The following FAM81A variants were observed in gnomAD, a reference collection of about 807,000 sequenced individuals.
The protein encoded by FAM81A is protein FAM81A.
A neutral mutation model predicts 46.7 loss-of-function variants in FAM81A; 19 were observed. The observed-to-expected ratio is 0.41, with a 90% CI of 0.28 to 0.60. The LOEUF is 0.60. Among genes scored for constraint, FAM81A ranks in the 20% least tolerant of loss-of-function variants. FAM81A has a pLI of 0.34. For missense variants in FAM81A, 377 were observed against 453.5 expected (o/e 0.83, Z 1.53); for synonymous variants, 183 against 152.9 (o/e 1.20, Z -1.45).
chr15:59,453,543 G>C (rs8026087), intron 1 of FAM81A, among the ~76,000 whole-genome samples: 120,852 of 152,096 alleles, frequency 0.79, 48,442 homozygotes, highest in African/African-American at 0.9. Context: ...AGCCAGGATT[G>C]AAGCAAGAGC....
At chr15:59,510,790 A>G (rs1596543945) in intron 6 of FAM81A, among the ~76,000 whole-genome samples, 2 of 148,256 alleles carry the variant, frequency 1.3e-5, no homozygotes, top group Non-Finnish European at 3.0e-5. Context: ...AAAAAAAAAA[A>G]AAAAAAAAAA....
chr15:59,415,608 T>C (rs1285386414), intron 2 of FAM81A, among the ~76,000 whole-genome samples: 1 of 152,190 alleles, frequency 6.6e-6, no homozygotes, highest in East Asian at 1.9e-4. Flanking sequence ...AACTAAACTT[T>C]TTCTAGAGCC....
In FAM81A at chr15:59,461,512, C is replaced by T. The variant is rs143948962; in HGVS notation, c.294+1306C>T. On this transcript the variant is annotated intron_variant, in intron 3 of 8. Transcript: ENST00000288228. ...ACTATAGTATTTTTTGTAGAGACAT[C>T]GTCTCACTATGTTGCCCAGACAGGG... Among the ~76,000 whole-genome samples, 14 of 152,180 alleles carry T rather than the reference C, an allele frequency of 9.2e-5. No homozygotes were observed. In the East Asian group the frequency reaches 2.3e-3, roughly 25 times the overall value.
chr15:59,451,727 A>G (rs1209523672), intron 1 of FAM81A, among the ~76,000 whole-genome samples: 2 of 152,222 alleles, frequency 1.3e-5, no homozygotes, highest in Non-Finnish European at 2.9e-5. Context: ...TGCTGGGATT[A>G]TAGGCATGAG....
At chr15:59,512,915 G>C (rs1175373008) in intron 6 of FAM81A, among the ~76,000 whole-genome samples, 2 of 152,216 alleles carry the variant, frequency 1.3e-5, no homozygotes, top group Non-Finnish European at 2.9e-5. Context: ...CGCTGCAAGG[G>C]ATCCTGGGAA....
chr15:59,493,954 T>G (rs1276634681), intron 4 of FAM81A, among the ~76,000 whole-genome samples: 1 of 151,952 alleles, frequency 6.6e-6, no homozygotes, highest in Non-Finnish European at 1.5e-5. Flanking sequence ...CCTCTGGGAG[T>G]CTTCCCTGAC....
At chr15:59,448,357 A>G (rs1042589447) in intron 1 of FAM81A, among the ~76,000 whole-genome samples, 21 of 152,198 alleles carry the variant, frequency 1.4e-4, no homozygotes, top group Non-Finnish European at 1.0e-4. Flanking sequence ...AGCCTGGGCC[A>G]CTGAGTGAGA....
At chr15:59,453,351 A>G (rs796306716) in intron 1 of FAM81A, among the ~76,000 whole-genome samples, 10 of 152,350 alleles carry the variant, frequency 6.6e-5, no homozygotes, top group African/African-American at 2.4e-4. Flanking sequence ...TAATAAGAGT[A>G]TAATACTTTA....
At chr15:59,451,058 C>G (rs1187795973) in intron 1 of FAM81A, among the ~76,000 whole-genome samples, 1 of 152,214 alleles carries the variant, frequency 6.6e-6, no homozygotes, top group Non-Finnish European at 1.5e-5. Flanking sequence ...TCCACCACAG[C>G]AGGGACCATG....
At chr15:59,416,368 C>G (rs2081146740) in intron 2 of FAM81A, among the ~76,000 whole-genome samples, 1 of 152,238 alleles carries the variant, frequency 6.6e-6, no homozygotes, top group Non-Finnish European at 1.5e-5. Flanking sequence ...TTGTCCACTG[C>G]CTCCTCTCCC....
intron 2 of FAM81A, among the ~76,000 whole-genome samples, chr15:59,424,895 A>G (rs1181515812): frequency 2.0e-5 from 3 of 152,144 alleles, no homozygotes; most frequent in Admixed American, 2.0e-4. Flanking sequence ...TTCGTTCTCA[A>G]AACAGCCACC....
intron 2 of FAM81A, among the ~76,000 whole-genome samples, chr15:59,414,964 C>T (rs12592571): frequency 0.59 from 87,904 of 149,262 alleles, 28,762 homozygotes; most frequent in Non-Finnish European, 0.72. Flanking sequence ...TACAGGCGTC[C>T]GCCACAATGC....
chr15:59,407,727 G>A, intron 2 of FAM81A: 1 of 201,034 alleles, frequency 5.0e-6, no homozygotes, highest in South Asian at 7.5e-5. Context: ...TGGCAATGGT[G>A]ATAACTCCTG....
At position 59,492,268 on chromosome 15, in the gene FAM81A, C is replaced by T; in HGVS notation, c.295-3C>T. On this transcript the variant is annotated splice_region_variant and splice_polypyrimidine_tract_variant and intron_variant, in intron 3 of 8. Coordinates refer to ENST00000288228, the MANE Select transcript of FAM81A (RefSeq NM_152450.3). ...CTCCCTTAGTGTTTTTTATGTTGCC[C>T]AGGTACTCCAGGAGCAGATTCGTGC... 6.2e-7 allele frequency: 1 copy of T among 1,605,770 alleles called. No homozygotes were observed.
intron 4 of FAM81A, among the ~76,000 whole-genome samples, chr15:59,493,193 G>A (rs2081999335): frequency 6.6e-6 from 1 of 152,212 alleles, no homozygotes; most frequent in African/African-American, 2.4e-5. Context: ...GAAAGAACAA[G>A]GACCTCCTGC....
At chr15:59,445,559 C>T (rs905971810) in intron 1 of FAM81A, 44 of 152,132 alleles carry the variant, frequency 2.9e-4, no homozygotes, top group African/African-American at 9.7e-4. Flanking sequence ...GTAAAAGACT[C>T]CCATATTAAG....
Position 59,460,257 on chromosome 15 carries a change from C to T in FAM81A, c.294+51C>T. On this transcript the variant is annotated intron_variant, in intron 3 of 8. Transcript: ENST00000288228. This position sits in a 1 kb window ranked among gnomAD's most constrained non-coding sequence, Gnocchi z 4.4. The stretch of plus-strand genomic sequence containing the variant: ...CTATGTCCCTTTCCACAGAATTGCT[C>T]CATGTCAGGAGGTCACCCACATCTA... 1 of 1,612,856 alleles carries T rather than the reference C, an allele frequency of 6.2e-7. No individual in the cohort carries two copies. The highest frequency in any genetic ancestry group is 8.5e-7 in the Non-Finnish European group (1 of 1,179,318).
chr15:59,474,545 T>C (rs964059234), intron 3 of FAM81A, among the ~76,000 whole-genome samples: 1 of 152,184 alleles, frequency 6.6e-6, no homozygotes, highest in Non-Finnish European at 1.5e-5. Context: ...CCCTCATGAC[T>C]TAATCACCTC....
At chr15:59,442,509 C>T (rs753435999) in intron 1 of FAM81A, among the ~76,000 whole-genome samples, 1 of 150,766 alleles carries the variant, frequency 6.6e-6, no homozygotes, top group Middle Eastern at 3.4e-3. Flanking sequence ...CCCAGCTACT[C>T]AGGAGGCTGA....
Sources: gnomAD v4.1 joint callset for allele counts (sites outside exome capture counted in the v4.1 genomes callset) on GRCh38, gnomAD v4.1.1 for gene constraint, Gnocchi (gnomAD v3.1) non-coding constraint, MANE v1.5 for transcripts, NCBI Gene and HGNC (gene_info 2026-07-23, HGNC 2026-07-21) for gene names.